The following TRIM16 variants were observed in gnomAD, a reference collection of about 807,000 sequenced individuals.
TRIM16 encodes the protein tripartite motif containing 16.
Under a neutral mutation model 50.4 loss-of-function variants are expected in TRIM16, and 33 were observed. The ratio of observed to expected loss-of-function variants is 0.65; its 90% confidence interval spans 0.50 to 0.88. The LOEUF (loss-of-function observed/expected upper bound fraction) is 0.88, where lower values mean the gene tolerates loss of function less well. Ranked by LOEUF, TRIM16 falls within the 40% of genes least tolerant of loss-of-function variation. The probability of loss-of-function intolerance (pLI) is 0.00; values close to 1 mark genes in which losing one functional copy is unlikely to be tolerated. For synonymous variants in TRIM16, 229 were observed against 270.7 expected (o/e 0.85, Z 1.51); for missense variants, 581 against 686.8 (o/e 0.85, Z 1.72).
chr17:15,673,095 G>A (rs1222394923), intron 6 of TRIM16, among the ~76,000 whole-genome samples: 2 of 152,130 alleles, frequency 1.3e-5, no homozygotes, highest in Admixed American at 6.5e-5. Context: ...AACAACAATG[G>A]TTTCTACCAA....
At chr17:15,680,814 C>T in intron 4 of TRIM16, 51 bp downstream of exon 4, 1 of 1,507,908 alleles carries the variant, frequency 6.6e-7, no homozygotes. Context: ...GGAAAATCCC[C>T]AACTCAATTA....
intron 6 of TRIM16, among the ~76,000 whole-genome samples, chr17:15,654,720 A>G (rs1187420328): frequency 6.6e-6 from 1 of 152,154 alleles, no homozygotes; most frequent in Non-Finnish European, 1.5e-5. Context: ...TAATTGAATA[A>G]CTGTCTTTGT....
chr17:15,643,813 T>C (rs1287193939), intron 7 of TRIM16, among the ~76,000 whole-genome samples: 3 of 152,118 alleles, frequency 2.0e-5, no homozygotes, highest in Admixed American at 2.0e-4. Context: ...AAACAGGGAG[T>C]GTAGGGTTGG....
rs188761443 is a variant in TRIM16 at position 15,642,219 on chromosome 17, C to T, written c.615+502G>A. ...GGCATTTGTAGAACTCCTCAGAATC[C>T]ACTTGGAGACCATTTACTGCCTACT... On this transcript the variant is annotated intron_variant, in intron 8 of 11. Transcript: ENST00000649191. 1.3e-5 allele frequency among the ~76,000 whole-genome samples: 2 copies of T among 149,108 alleles called. 1 individual carries two copies. The highest frequency in any genetic ancestry group is 5.0e-5 in the African/African-American group (2 of 40,372).
rs369253593 is a variant in TRIM16, at chr17:15,632,502, G to A, written c.1015+7C>T. The A allele has an allele frequency of 6.2e-5, 100 of 1,609,476 alleles. No homozygotes were observed. The highest frequency in any genetic ancestry group is 7.4e-5 in the Non-Finnish European group (87 of 1,177,474). ...CACTATAGTCCATGGCCCAGAATGC[G>A]TCTCACCTTCCTTGGAAAACTCCTG... On this transcript the variant is annotated splice_region_variant and intron_variant, in intron 10 of 11. Transcript: ENST00000649191.
intron 6 of TRIM16, among the ~76,000 whole-genome samples, chr17:15,666,974 G>GA (rs1988526243): frequency 4.6e-5 from 7 of 152,198 alleles, no homozygotes; most frequent in Admixed American, 3.9e-4. Context: ...TCTCTGCCTT[G>GA]GGGGGGCGGT....
At chr17:15,663,119 C>G (rs1988316932) in intron 6 of TRIM16, among the ~76,000 whole-genome samples, 1 of 152,156 alleles carries the variant, frequency 6.6e-6, no homozygotes, top group Admixed American at 6.5e-5. Flanking sequence ...CCCTCAGGAA[C>G]TGGCATTTCT....
intron 6 of TRIM16, among the ~76,000 whole-genome samples, chr17:15,673,669 A>G (rs192908230): frequency 1.3e-5 from 2 of 152,312 alleles, no homozygotes; most frequent in African/African-American, 4.8e-5. Context: ...TCTAACATCA[A>G]TTTAAGCTTA....
At chr17:15,638,258 T>A (rs368559523) in intron 8 of TRIM16, among the ~76,000 whole-genome samples, 15,574 of 114,824 alleles carry the variant, frequency 0.14, 1,601 homozygotes, top group African/African-American at 0.15. Context: ...AAAATAAATT[T>A]AAAAAAAAAA....
At position 15,651,277 on chromosome 17, in the gene TRIM16, G is replaced by A. The variant is rs1412867325; in HGVS notation, c.333C>T (p.Asn111=). The A allele has an allele frequency of 5.6e-6, 9 of 1,614,128 alleles. No homozygotes were observed. The highest frequency in any genetic ancestry group is 1.7e-5 in the Admixed American group (1 of 60,006). ...CEEHLQPHQV[N]IKLQSHLLTE... ...TCAGCAGGTGGCTTTGCAGTTTGAT[G>A]TTCACCTGATGCGGCTGCAAGTGCT... The change falls in exon 7 of 12, where the codon AAC becomes AAT. Residue 111 remains asparagine, a synonymous_variant. Coordinates refer to ENST00000649191, the MANE Select transcript of TRIM16 (RefSeq NM_001348119.1).
intron 6 of TRIM16, among the ~76,000 whole-genome samples, chr17:15,674,097 C>T (rs1389740435): frequency 1.3e-5 from 2 of 152,118 alleles, no homozygotes; most frequent in South Asian, 2.1e-4. Flanking sequence ...ATAGGCCGGG[C>T]GCGGTGGCTC....
intron 6 of TRIM16, among the ~76,000 whole-genome samples, chr17:15,673,103 C>T (rs1988789945): frequency 6.6e-6 from 1 of 152,140 alleles, no homozygotes. Context: ...TGGTTTCTAC[C>T]AATCCAAAGC....
At chr17:15,646,703 G>C (rs1467199674) in intron 7 of TRIM16, among the ~76,000 whole-genome samples, 1 of 151,104 alleles carries the variant, frequency 6.6e-6, no homozygotes, top group East Asian at 1.9e-4. Context: ...AGTGGGAAGA[G>C]AGAAGAAAAT....
chr17:15,665,269 T>G (rs1350594663), intron 6 of TRIM16, among the ~76,000 whole-genome samples: 4 of 152,136 alleles, frequency 2.6e-5, no homozygotes, highest in African/African-American at 4.8e-5. Flanking sequence ...TCCCAGCACT[T>G]TGGGAGGCTG....
intron 6 of TRIM16, among the ~76,000 whole-genome samples, chr17:15,653,955 A>G (rs181811036): frequency 6.6e-6 from 1 of 152,318 alleles, no homozygotes; most frequent in Admixed American, 6.5e-5. Flanking sequence ...AATCAGATAC[A>G]TTTGAACTCA....
In TRIM16 at chr17:15,646,256, C is replaced by T. The variant is rs183397081; in HGVS notation, c.520-3440G>A. Among the ~76,000 whole-genome samples, 8 of 150,008 alleles carry T rather than the reference C, an allele frequency of 5.3e-5. No homozygotes were observed. In the East Asian group the frequency reaches 1.2e-3, roughly 22 times the overall value. ...TCCCAGTTACCTCAAAAGGTGGAACCACTTTGAAAGACTTGTTTCTCCAGT... is the reference window on the plus strand; with the variant it reads ...TCCCAGTTACCTCAAAAGGTGGAACTACTTTGAAAGACTTGTTTCTCCAGT... On this transcript the variant is annotated intron_variant, in intron 7 of 11. Coordinates refer to ENST00000649191, the MANE Select transcript of TRIM16 (RefSeq NM_001348119.1).
rs1240600883 is a variant in TRIM16, at chr17:15,651,518, C to G, written c.92G>C (p.Ser31Thr). The G allele has an allele frequency of 1.2e-6, 2 of 1,613,284 alleles. No homozygotes were observed. Among genetic ancestry groups the G allele is most frequent in the Non-Finnish European group, 1.7e-6 (2 of 1,179,552 alleles). The change falls in exon 7 of 12, where the codon AGC becomes ACC. Residue 31 changes from serine to threonine, a missense_variant. Physicochemically the swap from Ser to Thr is moderately conservative, Grantham distance 58. Transcript: ENST00000649191. ...TGGGCTGGCTGACCCAGAATCTGGGCTGGGTGACCCAGAGTCTGGGCTGAG... is the reference window on the plus strand; with the variant it reads ...TGGGCTGGCTGACCCAGAATCTGGGGTGGGTGACCCAGAGTCTGGGCTGAG... ...APLSPDSGSP[S>T]PDSGSASPVE...
chr17:15,650,879 A>C (rs1324418016), intron 7 of TRIM16, among the ~76,000 whole-genome samples: 1 of 152,198 alleles, frequency 6.6e-6, no homozygotes, highest in Non-Finnish European at 1.5e-5. Context: ...AGTGGGACAG[A>C]GATGGGGACG....
At chr17:15,675,597 G>A (rs1189809736) in intron 6 of TRIM16, 2 of 174,410 alleles carry the variant, frequency 1.1e-5, no homozygotes, top group African/African-American at 4.8e-5. Context: ...TTCAGCCAGA[G>A]TTCATCTCTT....
Sources: allele counts gnomAD v4.1 joint callset (sites outside exome capture counted in the v4.1 genomes callset), GRCh38; gene constraint gnomAD v4.1.1; transcripts MANE v1.5; gene names NCBI Gene and HGNC (gene_info 2026-07-23, HGNC 2026-07-21).